SORCS2: variants seen among roughly 807,000 people sequenced by gnomAD.
SORCS2 encodes the protein sortilin related VPS10 domain containing receptor 2.
SORCS2 carries 100 observed loss-of-function variants against 141.6 expected under a neutral mutation model. That is an observed-to-expected ratio of 0.71 (90% confidence interval 0.60 to 0.83). The LOEUF is 0.83. SORCS2 is among the 40% of genes least tolerant of loss of function. The pLI is 0.00. For missense variants in SORCS2, 1,646 were observed against 1,560.2 expected, an observed-to-expected ratio of 1.05 and a Z score of -0.93; for synonymous variants, 789 against 676.9, an observed-to-expected ratio of 1.17 and a Z score of -2.57.
intron 1 of SORCS2, among the ~76,000 whole-genome samples, chr4:7,326,093 G>T (rs1719240031): frequency 6.6e-6 from 1 of 152,134 alleles, no homozygotes; most frequent in Admixed American, 6.5e-5. Context: ...AGCATTTACA[G>T]AGGCTCAGAG....
At chr4:7,252,381 C>A (rs764045807) in intron 1 of SORCS2, among the ~76,000 whole-genome samples, 1 of 152,176 alleles carries the variant, frequency 6.6e-6, no homozygotes, top group African/African-American at 2.4e-5. Context: ...CAGGGGCCGG[C>A]AGTGCATGGG....
intron 8 of SORCS2, among the ~76,000 whole-genome samples, chr4:7,668,674 A>T (rs567120422): frequency 6.6e-6 from 1 of 152,362 alleles, no homozygotes; most frequent in East Asian, 1.9e-4. Context: ...TGAGCTTAAT[A>T]GACTGAACTC....
chr4:7,465,821 T>A (rs1729585241), intron 2 of SORCS2, among the ~76,000 whole-genome samples: 1 of 152,140 alleles, frequency 6.6e-6, no homozygotes, highest in South Asian at 2.1e-4. Flanking sequence ...GCCGCTGCTG[T>A]TTTTTAGTGG....
At position 7,495,116 on chromosome 4, in the gene SORCS2, C is replaced by T. The variant is rs142969188; in HGVS notation, c.549-36414C>T. ...CTAGCAACGGTGCCTGTCAGCGGTGCTGGTACTACAGTCAGCTTAGAAACC... is the reference window on the plus strand; with the variant it reads ...CTAGCAACGGTGCCTGTCAGCGGTGTTGGTACTACAGTCAGCTTAGAAACC... On this transcript the variant is annotated intron_variant, in intron 2 of 26. Coordinates refer to ENST00000507866, the MANE Select transcript of SORCS2 (RefSeq NM_020777.3). 7.2e-5 allele frequency among the ~76,000 whole-genome samples: 11 copies of T among 152,348 alleles called. No homozygotes were observed. In the East Asian group the frequency reaches 1.4e-3, roughly 19 times the overall value.
intron 2 of SORCS2, among the ~76,000 whole-genome samples, chr4:7,401,863 G>A (rs1278597029): frequency 6.6e-6 from 1 of 151,030 alleles, no homozygotes; most frequent in African/African-American, 2.4e-5. Context: ...TCTCCTTTTT[G>A]TTAGGGATAG....
intron 3 of SORCS2, among the ~76,000 whole-genome samples, chr4:7,621,507 CTGTA>C (rs1313808109): frequency 4.2e-5 from 6 of 143,804 alleles, no homozygotes; most frequent in Admixed American, 4.2e-4. Flanking sequence ...CTATGTGTGT[CTGTA>C]TGTTTATGTG....
At chr4:7,205,092 C>G (rs1727663626) in intron 1 of SORCS2, among the ~76,000 whole-genome samples, 1 of 152,232 alleles carries the variant, frequency 6.6e-6, no homozygotes, top group Non-Finnish European at 1.5e-5. Flanking sequence ...TTAACCCCAG[C>G]CAAGTTTATT....
chr4:7,326,253 G>A (rs1405221045), intron 1 of SORCS2, among the ~76,000 whole-genome samples: 6 of 152,086 alleles, frequency 3.9e-5, no homozygotes, highest in African/African-American at 4.8e-5. Flanking sequence ...GAGGGTGTGG[G>A]GGTGCTCAGC....
chr4:7,526,570 G>A lies in SORCS2; in HGVS notation c.549-4960G>A, dbSNP rs535864083. ...ATTCTTGGGGCAGTGACGCTGCTCC[G>A]TATGATACCACAGTTGGGGGGGCCC... On this transcript the variant is annotated intron_variant, in intron 2 of 26. Transcript: ENST00000507866. Among the ~76,000 whole-genome samples the A allele has an allele frequency of 5.3e-5, 8 of 152,316 alleles. No individual in the cohort carries two copies. In the South Asian group the frequency reaches 6.2e-4, roughly 12 times the overall value.
chr4:7,678,520 C>G (rs1723310475), intron 9 of SORCS2, among the ~76,000 whole-genome samples: 1 of 141,694 alleles, frequency 7.1e-6, no homozygotes, highest in Non-Finnish European at 1.5e-5. Context: ...CTCTGTGCTT[C>G]CTGGAGACAC....
At chr4:7,323,552 C>A (rs1577398462) in intron 1 of SORCS2, among the ~76,000 whole-genome samples, 1 of 151,984 alleles carries the variant, frequency 6.6e-6, no homozygotes, top group Admixed American at 6.5e-5. Flanking sequence ...TGTGGGGAGG[C>A]TCCTAGGAGG....
intron 2 of SORCS2, among the ~76,000 whole-genome samples, chr4:7,415,421 G>T (rs186290579): frequency 2.6e-5 from 4 of 152,156 alleles, no homozygotes; most frequent in Non-Finnish European, 4.4e-5. Context: ...AGCCAGCAGC[G>T]TCACCTCCCT....
At chr4:7,629,646 G>A (rs755919801) in intron 3 of SORCS2, among the ~76,000 whole-genome samples, 4 of 150,062 alleles carry the variant, frequency 2.7e-5, no homozygotes, top group Non-Finnish European at 4.4e-5. Context: ...TTCCTGCCAT[G>A]CCTGGATGAG....
At position 7,292,376 on chromosome 4, in the gene SORCS2, T is replaced by C. The variant is rs73796605; in HGVS notation, c.480+99250T>C. 7.6e-3 allele frequency among the ~76,000 whole-genome samples: 1,150 copies of C among 152,180 alleles called. 11 individuals carry two copies. Among genetic ancestry groups the C allele is most frequent in the African/African-American group, 0.027 (1,104 of 41,498 alleles). ...CCACCCCACAGCTCCCATCACTGCA[T>C]TGAGTGCTCGGGAGATAAGAGGAAC... On this transcript the variant is annotated intron_variant, in intron 1 of 26. Coordinates refer to ENST00000507866, the MANE Select transcript of SORCS2 (RefSeq NM_020777.3).
chr4:7,654,399 G>C (rs1408337050), intron 5 of SORCS2, among the ~76,000 whole-genome samples, 192 bp downstream of exon 5: 1 of 152,206 alleles, frequency 6.6e-6, no homozygotes, highest in Non-Finnish European at 1.5e-5. Flanking sequence ...GGAACCCGCA[G>C]TCGTTCTTCC....
At chr4:7,495,857 C>T (rs946393598) in intron 2 of SORCS2, among the ~76,000 whole-genome samples, 1 of 152,234 alleles carries the variant, frequency 6.6e-6, no homozygotes, top group Admixed American at 6.5e-5. Flanking sequence ...CCCCCACCCA[C>T]CCAGGGAGGA....
chr4:7,681,970 A>G (rs1013021262), intron 9 of SORCS2, among the ~76,000 whole-genome samples: 6 of 152,228 alleles, frequency 3.9e-5, no homozygotes, highest in African/African-American at 1.4e-4. Context: ...TTCACACCAC[A>G]CTAGTGGGTC....
chr4:7,636,737 G>A (rs529576890), intron 3 of SORCS2, among the ~76,000 whole-genome samples: 1 of 151,978 alleles, frequency 6.6e-6, no homozygotes, highest in African/African-American at 2.4e-5. Context: ...CCTCCCTAGA[G>A]ACCTCCCAGC....
chr4:7,323,031 G>A (rs1718998301), intron 1 of SORCS2, among the ~76,000 whole-genome samples: 1 of 152,154 alleles, frequency 6.6e-6, no homozygotes, highest in African/African-American at 2.4e-5. Context: ...CTCAATGGGT[G>A]TTATCACACA....
Sources: gnomAD v4.1 joint callset for allele counts (sites outside exome capture counted in the v4.1 genomes callset) on GRCh38, gnomAD v4.1.1 for gene constraint, MANE v1.5 for transcripts, NCBI Gene and HGNC (gene_info 2026-07-23, HGNC 2026-07-21) for gene names.